The following CD86 variants were observed in gnomAD, a reference collection of about 807,000 sequenced individuals.
The protein encoded by CD86 is T-lymphocyte activation antigen CD86.
In CD86, 11 loss-of-function variants were observed where a neutral mutation model predicts 32.1. The ratio of observed to expected loss-of-function variants is 0.34; its 90% CI spans 0.22 to 0.57. The LOEUF is 0.57. Among genes scored for constraint, CD86 ranks in the 20% least tolerant of loss-of-function variants. The probability of loss-of-function intolerance (pLI) is 0.86; values close to 1 mark genes in which losing one functional copy is unlikely to be tolerated. For missense variants in CD86, 359 were observed against 398.4 expected (o/e 0.90, Z 0.84); for synonymous variants, 137 against 135.3 (o/e 1.01, Z -0.09).
chr3:122,063,052 T>C (rs2072361826), intron 1 of CD86, among the ~76,000 whole-genome samples: 1 of 152,128 alleles, frequency 6.6e-6, no homozygotes, highest in African/African-American at 2.4e-5. Context: ...TAAAATAAAT[T>C]TTATGTAAGG....
At chr3:122,062,439 C>A (rs2107499605) in intron 1 of CD86, among the ~76,000 whole-genome samples, 1 of 152,264 alleles carries the variant, frequency 6.6e-6, no homozygotes, top group African/African-American at 2.4e-5. Flanking sequence ...CTGTGCTAAA[C>A]ATTAAAAATA....
chr3:122,091,668 T>C lies in CD86; in HGVS notation c.64+18T>C. The C allele has an allele frequency of 6.2e-7, 1 of 1,606,748 alleles. No homozygotes were observed. The highest frequency in any genetic ancestry group is 8.5e-7 in the Non-Finnish European group (1 of 1,173,308). On this transcript the variant is annotated intron_variant, in intron 2 of 6. Transcript: ENST00000330540. Reference sequence around the variant, plus strand: ...GCTCTCTGGTAAGAACCTTTCAGCTTTGTTAAGTCCTGGAATCCTACTGTC... The same window carrying C: ...GCTCTCTGGTAAGAACCTTTCAGCTCTGTTAAGTCCTGGAATCCTACTGTC...
At chr3:122,106,741 G>T (rs2073097406) in intron 4 of CD86, among the ~76,000 whole-genome samples, 1 of 151,488 alleles carries the variant, frequency 6.6e-6, no homozygotes, top group Non-Finnish European at 1.5e-5. Flanking sequence ...TCAGTCTCTT[G>T]GTTTACCTTT....
At chr3:122,101,513 A>AAAAATATATATATAT (rs1202377219) in intron 2 of CD86, among the ~76,000 whole-genome samples, 2 of 46,326 alleles carry the variant, frequency 4.3e-5, no homozygotes, top group Non-Finnish European at 8.2e-5. Context: ...AAAAAAAAAA[A>AAAAATATATATATAT]ATATATATAT....
At chr3:122,086,394 A>C (rs919846286) in intron 1 of CD86, among the ~76,000 whole-genome samples, 5 of 151,978 alleles carry the variant, frequency 3.3e-5, no homozygotes, top group Non-Finnish European at 7.4e-5. Context: ...GTCCCACCCC[A>C]TTACTGGCTG....
At chr3:122,069,052 A>G (rs2072453599) in intron 1 of CD86, among the ~76,000 whole-genome samples, 1 of 152,210 alleles carries the variant, frequency 6.6e-6, no homozygotes, top group Admixed American at 6.5e-5. Context: ...TGCTCTTAAG[A>G]TGGTGTTTAA....
chr3:122,071,557 G>A (rs2072488822), intron 1 of CD86, among the ~76,000 whole-genome samples: 1 of 152,006 alleles, frequency 6.6e-6, no homozygotes, highest in South Asian at 2.1e-4. Flanking sequence ...TGAATAAAGT[G>A]GCTATACATA....
At chr3:122,098,707 T>A (rs1446659894) in intron 2 of CD86, among the ~76,000 whole-genome samples, 2 of 152,230 alleles carry the variant, frequency 1.3e-5, no homozygotes, top group African/African-American at 4.8e-5. Flanking sequence ...ACAATTACAT[T>A]AGTCTCCTCT....
intron 1 of CD86, among the ~76,000 whole-genome samples, chr3:122,090,416 G>A (rs892283435): frequency 1.3e-5 from 2 of 152,144 alleles, no homozygotes; most frequent in Non-Finnish European, 2.9e-5. Context: ...GAATTTAGTG[G>A]ACAGACCTGT....
chr3:122,083,601 G>A (rs192506506), intron 1 of CD86, among the ~76,000 whole-genome samples: 5 of 152,250 alleles, frequency 3.3e-5, no homozygotes, highest in Admixed American at 1.3e-4. Flanking sequence ...TTGGGGTCAG[G>A]AATTTGAGCG....
intron 1 of CD86, among the ~76,000 whole-genome samples, chr3:122,062,739 G>A (rs2072357017): frequency 6.6e-6 from 1 of 152,132 alleles, no homozygotes; most frequent in South Asian, 2.1e-4. Context: ...GAACTTCAGT[G>A]TCCTCTGTAA....
intron 1 of CD86, among the ~76,000 whole-genome samples, chr3:122,069,282 T>TAA (rs35736887): frequency 6.9e-6 from 1 of 144,662 alleles, no homozygotes. Context: ...TGAAGGAAAT[T>TAA]AAAAAAAAAA....
chr3:122,064,889 A>G (rs2072391684), intron 1 of CD86, among the ~76,000 whole-genome samples: 1 of 152,226 alleles, frequency 6.6e-6, no homozygotes, highest in South Asian at 2.1e-4. Flanking sequence ...AATTTATTCA[A>G]TAAAGTTTTA....
At chr3:122,058,474 C>A (rs987221378) in intron 1 of CD86, among the ~76,000 whole-genome samples, 1 of 152,160 alleles carries the variant, frequency 6.6e-6, no homozygotes, top group Non-Finnish European at 1.5e-5. Flanking sequence ...TGACTCAGAG[C>A]TACTGGGGCT....
chr3:122,119,143 C>T (rs992656029), intron 6 of CD86, among the ~76,000 whole-genome samples: 11 of 152,184 alleles, frequency 7.2e-5, no homozygotes, highest in Admixed American at 4.6e-4. Flanking sequence ...ATCCTGCCTA[C>T]CCTGTCACAC....
intron 4 of CD86, among the ~76,000 whole-genome samples, chr3:122,108,011 T>G (rs1291416931): frequency 6.6e-6 from 1 of 152,214 alleles, no homozygotes; most frequent in Admixed American, 6.5e-5. Flanking sequence ...GTAATTAGTT[T>G]GATTGGTGGC....
chr3:122,083,104 C>T (rs2072656997), intron 1 of CD86, among the ~76,000 whole-genome samples: 1 of 152,194 alleles, frequency 6.6e-6, no homozygotes, highest in Admixed American at 6.5e-5. Flanking sequence ...TATCCCAGAC[C>T]AAACAGCCAT....
chr3:122,106,325 G>A lies in CD86; in HGVS notation c.528G>A (p.Lys176=). 1 of 1,614,092 alleles carries A rather than the reference G, an allele frequency of 6.2e-7. No homozygotes were observed. The highest frequency in any genetic ancestry group is 8.5e-7 in the Non-Finnish European group (1 of 1,179,980). Residue 176 remains lysine, a synonymous_variant, in exon 4 of 7, where the codon AAG becomes AAA. Transcript: ENST00000330540. ...AGATGAGTGTTTTGCTAAGAACCAAGAATTCAACTATCGAGTATGATGGTG... is the reference window on the plus strand; with the variant it reads ...AGATGAGTGTTTTGCTAAGAACCAAAAATTCAACTATCGAGTATGATGGTG... The part of the protein sequence containing the change: ...PKKMSVLLRT[K]NSTIEYDGVM...
chr3:122,068,773 G>C (rs1287595310), intron 1 of CD86, among the ~76,000 whole-genome samples: 2 of 152,142 alleles, frequency 1.3e-5, no homozygotes, highest in Non-Finnish European at 2.9e-5. Flanking sequence ...AAGAAGTTCT[G>C]AGATTGTAAG....
Sources: allele counts gnomAD v4.1 joint callset (sites outside exome capture counted in the v4.1 genomes callset), GRCh38; gene constraint gnomAD v4.1.1; transcripts MANE v1.5; gene names NCBI Gene and HGNC (gene_info 2026-07-23, HGNC 2026-07-21).